Variants in PRAG1 observed in about 807,000 individuals in gnomAD.
The protein encoded by PRAG1 is PEAK1 related, kinase-activating pseudokinase 1.
A neutral mutation model predicts 95.6 loss-of-function variants in PRAG1; 110 were observed. The observed-to-expected ratio is 1.15, with a 90% confidence interval of 0.99 to 1.35. The LOEUF is 1.35. PRAG1 is among the 40% of genes most tolerant of loss of function. The probability of loss-of-function intolerance (pLI) is 0.00; values close to 1 mark genes in which losing one functional copy is unlikely to be tolerated. For synonymous variants in PRAG1, 1,052 were observed against 819.4 expected, an observed-to-expected ratio of 1.28 and a Z score of -4.85; for missense variants, 2,554 against 1,864.7, an observed-to-expected ratio of 1.37 and a Z score of -6.81.
intron 2 of PRAG1, 92 bp from the exon 3 acceptor site, chr8:8,378,170 T>G: frequency 1.4e-6 from 2 of 1,425,304 alleles, no homozygotes; most frequent in Non-Finnish European, 1.9e-6. Flanking sequence ...GCAACGATAC[T>G]GTAGAATGTC....
rs747275365 is a variant in PRAG1, at chr8:8,327,926, A to G, written c.2856T>C (p.Tyr952=). The change falls in exon 5 of 6, where the codon TAT becomes TAC. Residue 952 remains tyrosine, a synonymous_variant. Coordinates refer to ENST00000615670, the MANE Select transcript of PRAG1 (RefSeq NM_001080826.3). ...LSNISSKEGT[Y]AKLGGLYTQS... ...GGGTGTAGAGTCCCCCCAGCTTGGC[A>G]TAGGTGCCCTCCTTGCTGCTGATGT... The G allele has an allele frequency of 1.6e-5, 26 of 1,613,682 alleles. No individual in the cohort carries two copies. Among genetic ancestry groups the G allele is most frequent in the South Asian group, 2.2e-5 (2 of 91,060 alleles).
At chr8:8,322,750 T>C (rs146262502) in intron 5 of PRAG1, among the ~76,000 whole-genome samples, 1 of 152,216 alleles carries the variant, frequency 6.6e-6, no homozygotes, top group Non-Finnish European at 1.5e-5. Flanking sequence ...AATCCAGACA[T>C]TCCTTTCTAT....
Position 8,339,588 on chromosome 8 carries a change from C to T in PRAG1, c.2210G>A (p.Ser737Asn), listed in dbSNP as rs200071032. ...NKSSSDLEKV[S>N]QGSAESLSPS... ...GCTGAGGCTTTCTGCAGAGCCCTGG[C>T]TCACTTTTTCCAAATCAGAGCTGCT... Residue 737 changes from serine (S) to asparagine (N), a missense_variant, in exon 4 of 6, where the codon AGC (serine) becomes AAC (asparagine). Physicochemically the swap from Ser to Asn is conservative, Grantham distance 46. Coordinates refer to ENST00000615670, the MANE Select transcript of PRAG1 (RefSeq NM_001080826.3). 6.8e-6 allele frequency: 11 copies of T among 1,614,072 alleles called. No individual in the cohort carries two copies. The Admixed American group carries it at 1.7e-4, about 24-fold the overall frequency.
chr8:8,345,848 A>G (rs927418445), intron 3 of PRAG1, among the ~76,000 whole-genome samples: 2 of 152,214 alleles, frequency 1.3e-5, no homozygotes, highest in Admixed American at 6.5e-5. Flanking sequence ...TATGAACTGC[A>G]TTAAAAAGCA....
At position 8,318,634 on chromosome 8, in the gene PRAG1, G is replaced by C. The variant is rs1049298661; in HGVS notation, c.3741C>G (p.Ser1247=). ...GGAACTCATCGAACTTGCGGTACTG[G>C]GAAGCAGACACGATCTCGGGGGCCA... ...ARLAPEIVSA[S]QYRKFDEFQT... Residue 1247 remains serine (S), a synonymous_variant, in exon 6 of 6, where the codon TCC becomes TCG. Transcript: ENST00000615670. This position sits in a 1 kb window ranked among gnomAD's most constrained non-coding sequence, Gnocchi z 4.2. The C allele has an allele frequency of 6.2e-7, 1 of 1,612,700 alleles. No individual in the cohort carries two copies. The highest frequency in any genetic ancestry group is 8.5e-7 in the Non-Finnish European group (1 of 1,179,902).
intron 4 of PRAG1, among the ~76,000 whole-genome samples, chr8:8,337,216 T>G (rs9329268): frequency 0.32 from 48,515 of 151,868 alleles, 8,112 homozygotes; most frequent in African/African-American, 0.43. Context: ...AACTAGTTCT[T>G]TTTCTATTTG....
At chr8:8,366,686 T>C (rs1019565173) in intron 3 of PRAG1, among the ~76,000 whole-genome samples, 1 of 128,052 alleles carries the variant, frequency 7.8e-6, no homozygotes, top group Non-Finnish European at 1.7e-5. Flanking sequence ...TTTATTTTTA[T>C]CTTTTTTTTT....
At chr8:8,385,259 G>A (rs1042832597) in intron 1 of PRAG1, among the ~76,000 whole-genome samples, 1 of 152,184 alleles carries the variant, frequency 6.6e-6, no homozygotes, top group South Asian at 2.1e-4. Flanking sequence ...CAGGCAGAAA[G>A]GAGAAAGTGA....
At chr8:8,353,914 AG>A (rs1799604806) in intron 3 of PRAG1, among the ~76,000 whole-genome samples, 1 of 152,028 alleles carries the variant, frequency 6.6e-6, no homozygotes, top group Non-Finnish European at 1.5e-5. Context: ...TGCACAAGGG[AG>A]GAAATAATAA....
chr8:8,363,093 G>A (rs201052910), intron 3 of PRAG1, among the ~76,000 whole-genome samples: 45 of 142,244 alleles, frequency 3.2e-4, no homozygotes, highest in African/African-American at 1.2e-3. Flanking sequence ...GTGTGCGTGT[G>A]TATATATATA....
intron 3 of PRAG1, among the ~76,000 whole-genome samples, chr8:8,363,527 G>C (rs1339648960): frequency 6.6e-6 from 1 of 152,160 alleles, no homozygotes; most frequent in African/African-American, 2.4e-5. Context: ...CAAATTCAGA[G>C]ACAGAAAGTA....
chr8:8,337,813 C>G (rs184496632), intron 4 of PRAG1, among the ~76,000 whole-genome samples: 1 of 152,142 alleles, frequency 6.6e-6, no homozygotes, highest in Non-Finnish European at 1.5e-5. Flanking sequence ...ACTCACAAAC[C>G]TCCGGCAGCT....
At chr8:8,367,021 C>T (rs1028215704) in intron 3 of PRAG1, among the ~76,000 whole-genome samples, 1 of 152,008 alleles carries the variant, frequency 6.6e-6, no homozygotes, top group Non-Finnish European at 1.5e-5. Flanking sequence ...GCTGAATCAG[C>T]AAATAGCCAG....
intron 4 of PRAG1, among the ~76,000 whole-genome samples, chr8:8,335,179 ACTT>A (rs1798948676): frequency 6.6e-6 from 1 of 152,210 alleles, no homozygotes; most frequent in Non-Finnish European, 1.5e-5. Context: ...TGTCAGTTCC[ACTT>A]CTTCTAAGGA....
intron 1 of PRAG1, among the ~76,000 whole-genome samples, chr8:8,382,142 T>C (rs1303574647): frequency 6.6e-6 from 1 of 151,820 alleles, no homozygotes; most frequent in African/African-American, 2.4e-5. Flanking sequence ...TTTTGGGCAG[T>C]TATGGGAAGA....
At chr8:8,355,324 A>C (rs1799648672) in intron 3 of PRAG1, among the ~76,000 whole-genome samples, 1 of 152,206 alleles carries the variant, frequency 6.6e-6, no homozygotes, top group Non-Finnish European at 1.5e-5. Context: ...ATATTGTTGA[A>C]ATGTCCACAC....
intron 3 of PRAG1, among the ~76,000 whole-genome samples, chr8:8,352,900 A>G (rs927796426): frequency 1.3e-5 from 2 of 152,210 alleles, no homozygotes; most frequent in African/African-American, 4.8e-5. Context: ...TAATAACCAA[A>G]AGAGAGCAGA....
Position 8,376,637 on chromosome 8 carries a change from C to A in PRAG1, c.1772G>T (p.Gly591Val). Residue 591 changes from glycine to valine, a missense_variant, in exon 3 of 6, where the codon GGT (glycine) becomes GTT (valine). Physicochemically the swap from Gly to Val is moderately radical, Grantham distance 109. Coordinates refer to ENST00000615670, the MANE Select transcript of PRAG1 (RefSeq NM_001080826.3). Reference sequence around the variant, plus strand: ...GCAGGAAGGAGCGGGGTCAGCAGGACCTTGGGATGGAGGCTGGGGCCCAAT... The same window carrying A: ...GCAGGAAGGAGCGGGGTCAGCAGGAACTTGGGATGGAGGCTGGGGCCCAAT... Reference protein sequence around the residue: ...SSIGPQPPSQGPADPAPSCRT... With the variant: ...SSIGPQPPSQVPADPAPSCRT... The A allele has an allele frequency of 3.7e-6, 6 of 1,606,850 alleles. No homozygotes were observed. Among genetic ancestry groups the A allele is most frequent in the Non-Finnish European group, 5.1e-6 (6 of 1,176,634 alleles).
chr8:8,363,657 AACT>A (rs1799915621), intron 3 of PRAG1, among the ~76,000 whole-genome samples: 1 of 152,200 alleles, frequency 6.6e-6, no homozygotes, highest in Admixed American at 6.5e-5. Flanking sequence ...AACAAATGGA[AACT>A]ACTATTAAAC....
Sources: gnomAD v4.1 joint callset for allele counts (sites outside exome capture counted in the v4.1 genomes callset) on GRCh38, gnomAD v4.1.1 for gene constraint, Gnocchi (gnomAD v3.1) non-coding constraint, MANE v1.5 for transcripts, NCBI Gene and HGNC (gene_info 2026-07-23, HGNC 2026-07-21) for gene names.